The following VAC14 variants were observed in gnomAD, a reference collection of about 807,000 sequenced individuals.
VAC14 encodes protein VAC14 homolog.
In VAC14, 47 loss-of-function variants were observed where a neutral mutation model predicts 85.3. The observed-to-expected ratio is 0.55, with a 90% CI of 0.44 to 0.70. The LOEUF is 0.70. Ranked by LOEUF, VAC14 falls within the 30% of genes least tolerant of loss-of-function variation. The probability of loss-of-function intolerance (pLI) is 0.00; values close to 1 mark genes in which losing one functional copy is unlikely to be tolerated. For missense variants in VAC14, 861 were observed against 1,004.3 expected, an observed-to-expected ratio of 0.86 and a Z score of 1.93; for synonymous variants, 447 against 430.5, an observed-to-expected ratio of 1.04 and a Z score of -0.47.
chr16:70,748,942 CAAAACAAAACAAA>C (rs1473933897), intron 12 of VAC14, among the ~76,000 whole-genome samples: 1 of 151,944 alleles, frequency 6.6e-6, no homozygotes, highest in African/African-American at 2.4e-5. Flanking sequence ...GTCTCAAAAA[CAAAACAAAACAAA>C]AAAACAAAAC....
chr16:70,721,153 AGT>A (rs149158484), intron 14 of VAC14, among the ~76,000 whole-genome samples: 3 of 152,296 alleles, frequency 2.0e-5, no homozygotes, highest in Non-Finnish European at 4.4e-5. Flanking sequence ...CTCCTGGGAG[AGT>A]ATGCCGGCTA....
chr16:70,729,731 C>T (rs1159408248), intron 14 of VAC14, among the ~76,000 whole-genome samples: 1 of 152,084 alleles, frequency 6.6e-6, no homozygotes, highest in Admixed American at 6.6e-5. Flanking sequence ...TCTCACTCGA[C>T]CTCTTCTTAA....
chr16:70,706,000 C>G (rs1195026482), intron 14 of VAC14, among the ~76,000 whole-genome samples: 3 of 152,200 alleles, frequency 2.0e-5, no homozygotes, highest in Admixed American at 2.0e-4. Context: ...CCAACCACCC[C>G]AAGAACCCTA....
chr16:70,694,605 C>T (rs2053668758), intron 17 of VAC14, among the ~76,000 whole-genome samples: 1 of 152,212 alleles, frequency 6.6e-6, no homozygotes, highest in African/African-American at 2.4e-5. Flanking sequence ...GAGACGCTGC[C>T]AGAGAGTGGG....
intron 14 of VAC14, among the ~76,000 whole-genome samples, chr16:70,705,934 T>C (rs2053912404): frequency 6.6e-6 from 1 of 152,180 alleles, no homozygotes; most frequent in Non-Finnish European, 1.5e-5. Context: ...CCTGTTAGAC[T>C]AGTTCACACA....
chr16:70,778,830 T>G (rs188896988), intron 9 of VAC14: 62 of 152,324 alleles, frequency 4.1e-4, no homozygotes, highest in African/African-American at 1.3e-3. Context: ...TTTCTCTACT[T>G]TCCAAATTTT....
rs574770912 is a variant in VAC14 at position 70,731,770 on chromosome 16, C to T, written c.1529-143G>A. On this transcript the variant is annotated intron_variant, in intron 13 of 18. Coordinates refer to ENST00000261776, the MANE Select transcript of VAC14 (RefSeq NM_018052.5). The stretch of plus-strand genomic sequence containing the variant: ...AACAAGATGAGGGAAAATCTCTAAT[C>T]AAGAGCCATGGAGCAACAGAGAAAA... 202 of 947,668 alleles carry T rather than the reference C, an allele frequency of 2.1e-4. No individual in the cohort carries two copies. In the East Asian group the frequency reaches 5.1e-3, roughly 24 times the overall value. The allele number at this position is 947,668 out of a possible 1,614,324, so 58.7% of individuals were successfully genotyped here.
rs2032469818 is a variant in VAC14 at position 70,762,470 on chromosome 16, A to C, written c.1371+70T>G. On this transcript the variant is annotated intron_variant, in intron 12 of 18. Coordinates refer to ENST00000261776, the MANE Select transcript of VAC14 (RefSeq NM_018052.5). The surrounding 1 kb of genome is among the most constrained non-coding windows in gnomAD (Gnocchi z 4.1). Reference sequence around the variant, plus strand: ...GGATGCACTGTACCAAAATAAGCATATCTCAGTCACTAACAAGGGGAGGCA... The same window carrying C: ...GGATGCACTGTACCAAAATAAGCATCTCTCAGTCACTAACAAGGGGAGGCA... 1.4e-6 allele frequency: 2 copies of C among 1,458,272 alleles called. No individual in the cohort carries two copies. The highest frequency in any genetic ancestry group is 1.4e-5 in the African/African-American group (1 of 71,618). The allele number at this position is 1,458,272 out of a possible 1,614,324, so 90.3% of individuals were successfully genotyped here.
intron 14 of VAC14, among the ~76,000 whole-genome samples, chr16:70,707,685 C>A (rs1404794021): frequency 6.6e-6 from 1 of 152,196 alleles, no homozygotes; most frequent in Non-Finnish European, 1.5e-5. Flanking sequence ...CTCCCGCTTT[C>A]TGAACTGCCC....
intron 1 of VAC14, 116 bp from the exon 2 acceptor site, chr16:70,786,481 C>A: frequency 7.3e-7 from 1 of 1,363,784 alleles, no homozygotes; most frequent in Non-Finnish European, 1.0e-6. Context: ...AAATGGGAGA[C>A]AGGCGTCTCA....
chr16:70,722,358 C>A (rs2054315602), intron 14 of VAC14, among the ~76,000 whole-genome samples: 1 of 152,250 alleles, frequency 6.6e-6, no homozygotes, highest in Non-Finnish European at 1.5e-5. Context: ...GGCCACATCA[C>A]CCCTGCTCAG....
At position 70,785,785 on chromosome 16, in the gene VAC14, A is replaced by C. The variant is rs906250310; in HGVS notation, c.340T>G (p.Cys114Gly). ...DADSRLRYYA[C>G]EALYNIVKVA... ...TTGACGATGTTGTAGAGGGCCTCGC[A>C]GGCATAGTAGCGCAGCCTGCTGTCT... Residue 114 changes from cysteine (C) to glycine (G), a missense_variant, in exon 3 of 19, where the codon TGC becomes GGC. Physicochemically the swap from Cys to Gly is radical, Grantham distance 159. Coordinates refer to ENST00000261776, the MANE Select transcript of VAC14 (RefSeq NM_018052.5). 1.3e-6 allele frequency: 2 copies of C among 1,593,022 alleles called. No homozygotes were observed. Among genetic ancestry groups the C allele is most frequent in the Non-Finnish European group, 1.7e-6 (2 of 1,168,286 alleles).
Position 70,698,717 on chromosome 16 carries a change from C to T in VAC14, c.1756G>A (p.Val586Ile), listed in dbSNP as rs2053762897. Residue 586 changes from valine to isoleucine, a missense_variant, in exon 15 of 19, where the codon GTC (valine) becomes ATC (isoleucine). Val to Ile is a conservative substitution (Grantham distance 29). Around this residue, in one of 3 missense-constraint regions of VAC14, gnomAD observed 69 missense variants for 139.0 expected, o/e 0.50. Coordinates refer to ENST00000261776, the MANE Select transcript of VAC14 (RefSeq NM_018052.5). ...EEDLKFASTM[V>I]HALNTILLTS... ...AGCAGGATGGTGTTGAGGGCGTGGA[C>T]CATGGTCGAGGCGAACTTGAGGTCC... is the stretch of plus-strand genomic sequence containing the variant. The T allele has an allele frequency of 6.2e-7, 1 of 1,614,088 alleles. No individual in the cohort carries two copies. Among genetic ancestry groups the T allele is most frequent in the Non-Finnish European group, 8.5e-7 (1 of 1,180,036 alleles).
At chr16:70,791,470 T>C (rs979629578) in intron 1 of VAC14, among the ~76,000 whole-genome samples, 1 of 152,146 alleles carries the variant, frequency 6.6e-6, no homozygotes, top group Non-Finnish European at 1.5e-5. Flanking sequence ...CTGCAGCCTC[T>C]GCCTCTCAGG....
intron 18 of VAC14, chr16:70,691,141 C>A (rs1313084941): frequency 1.0e-6 from 1 of 985,432 alleles, no homozygotes; most frequent in Non-Finnish European, 1.2e-6. Flanking sequence ...CTCATTTTCC[C>A]AGCTTCCCTC....
At chr16:70,761,866 C>T (rs1340718288) in intron 12 of VAC14, among the ~76,000 whole-genome samples, 1 of 152,198 alleles carries the variant, frequency 6.6e-6, no homozygotes, top group Non-Finnish European at 1.5e-5. Flanking sequence ...AGGGGCCCGG[C>T]CCAGTGCTTA....
intron 13 of VAC14, among the ~76,000 whole-genome samples, chr16:70,734,684 T>G (rs915351790): frequency 1.3e-5 from 2 of 151,960 alleles, no homozygotes; most frequent in Non-Finnish European, 2.9e-5. Flanking sequence ...TAACATGATA[T>G]CTTAATAGCC....
intron 12 of VAC14, among the ~76,000 whole-genome samples, chr16:70,751,865 C>T (rs542758475): frequency 6.6e-6 from 1 of 152,300 alleles, no homozygotes; most frequent in South Asian, 2.1e-4. Flanking sequence ...CTGGCCCTGG[C>T]CTGGGAAAGG....
chr16:70,725,840 C>T (rs953911346), intron 14 of VAC14, among the ~76,000 whole-genome samples: 2 of 152,320 alleles, frequency 1.3e-5, no homozygotes, highest in Non-Finnish European at 2.9e-5. Flanking sequence ...TGGCTCGGAC[C>T]TCATCTACCA....
Sources: allele counts gnomAD v4.1 joint callset (sites outside exome capture counted in the v4.1 genomes callset), GRCh38; gene constraint gnomAD v4.1.1; regional missense constraint gnomAD v4.1.1; non-coding constraint Gnocchi (gnomAD v3.1); transcripts MANE v1.5; gene names NCBI Gene and HGNC (gene_info 2026-07-23, HGNC 2026-07-21).